CENPK: variants seen among roughly 807,000 people sequenced by gnomAD.
CENPK encodes SoxLZ/Sox6-binding protein Solt.
Under a neutral mutation model 40.9 loss-of-function variants are expected in CENPK, and 46 were observed. The ratio of observed to expected loss-of-function variants is 1.13; its 90% CI spans 0.89 to 1.44. CENPK has a LOEUF of 1.44. CENPK is among the 40% of genes most tolerant of loss of function. The pLI is 0.00. For missense variants in CENPK, 288 were observed against 303.5 expected (o/e 0.95, Z 0.38); for synonymous variants, 107 against 104.4 (o/e 1.02, Z -0.15).
At chr5:65,499,667 A>ATTTTTTTTT in the CENPK span, among the ~76,000 whole-genome samples, 2 of 109,672 alleles carry the variant, frequency 1.8e-5, no homozygotes, top group Non-Finnish European at 1.8e-5. Flanking sequence ...TTTTTTTTTA[A>ATTTTTTTTT]TTTTTTTTTT....
intron 5 of CENPK, among the ~76,000 whole-genome samples, chr5:65,543,493 C>T (rs1466042842): frequency 6.6e-6 from 1 of 152,118 alleles, no homozygotes; most frequent in Non-Finnish European, 1.5e-5. Context: ...TTTTTATCAT[C>T]ATTGGTTTTA....
At chr5:65,559,757 A>T (rs1423910079) in intron 2 of CENPK, among the ~76,000 whole-genome samples, 2 of 152,192 alleles carry the variant, frequency 1.3e-5, no homozygotes, top group Admixed American at 6.5e-5. Flanking sequence ...GCACATAAAT[A>T]GGCAAATTGA....
chr5:65,543,759 G>A (rs1287656401), intron 5 of CENPK, among the ~76,000 whole-genome samples: 2 of 152,250 alleles, frequency 1.3e-5, no homozygotes, highest in South Asian at 2.1e-4. Context: ...ATGTACTGGT[G>A]CTCTCATTTC....
intron 8 of CENPK, 64 bp downstream of exon 8, chr5:65,528,855 T>C: frequency 2.8e-6 from 3 of 1,085,514 alleles, no homozygotes; most frequent in Non-Finnish European, 4.0e-6. Context: ...TCATCTATGT[T>C]TCATGTAACA....
At chr5:65,523,325 C>A (rs539246177) in intron 9 of CENPK, among the ~76,000 whole-genome samples, 1 of 152,252 alleles carries the variant, frequency 6.6e-6, no homozygotes, top group East Asian at 1.9e-4. Context: ...TCATACTAAT[C>A]CTAATCAGAA....
chr5:65,543,119 A>T (rs963045570), intron 5 of CENPK, among the ~76,000 whole-genome samples: 4 of 152,068 alleles, frequency 2.6e-5, no homozygotes, highest in Admixed American at 2.6e-4. Context: ...ATCCACCAAC[A>T]TGCCTGGCTA....
chr5:65,498,230 G>A, the CENPK span, among the ~76,000 whole-genome samples: 2 of 151,712 alleles, frequency 1.3e-5, no homozygotes, highest in African/African-American at 4.8e-5. Flanking sequence ...TCTCTCTAAT[G>A]TTATGTAAAT....
chr5:65,510,513 G>T, the CENPK span, among the ~76,000 whole-genome samples: 3 of 152,154 alleles, frequency 2.0e-5, no homozygotes, highest in Middle Eastern at 3.2e-3. Flanking sequence ...GGTGGCTAAC[G>T]CCTGTAATCC....
At chr5:65,498,159 A>G in the CENPK span, among the ~76,000 whole-genome samples, 1 of 152,068 alleles carries the variant, frequency 6.6e-6, no homozygotes, top group Admixed American at 6.6e-5. Context: ...ACCCTAGCCT[A>G]GAAATAATTT....
At chr5:65,520,366 C>T (rs1334220486) in intron 10 of CENPK, among the ~76,000 whole-genome samples, 1 of 152,114 alleles carries the variant, frequency 6.6e-6, no homozygotes, top group African/African-American at 2.4e-5. Flanking sequence ...AATTAAACTC[C>T]TTTTCCTTAT....
chr5:65,541,419 A>G (rs1747954912), intron 6 of CENPK: 1 of 456,140 alleles, frequency 2.2e-6, no homozygotes, highest in Non-Finnish European at 4.4e-6. Context: ...TGTAGGAGAG[A>G]ATCATCATCT....
At chr5:65,525,692 G>A (rs187019799) in intron 9 of CENPK, among the ~76,000 whole-genome samples, 8 of 152,252 alleles carry the variant, frequency 5.3e-5, no homozygotes, top group East Asian at 1.9e-4. Context: ...CTTAAATAAC[G>A]TAATAAAGGA....
chr5:65,557,072 A>C (rs781429796), intron 2 of CENPK, among the ~76,000 whole-genome samples: 5 of 152,116 alleles, frequency 3.3e-5, no homozygotes, highest in Non-Finnish European at 5.9e-5. Flanking sequence ...AAATGAGAAG[A>C]TCTTCAGGCC....
At position 65,542,837 on chromosome 5, in the gene CENPK, T is replaced by C. The variant is rs1748212552; in HGVS notation, c.253A>G (p.Thr85Ala). 6.2e-7 allele frequency: 1 copy of C among 1,610,626 alleles called. No homozygotes were observed. Among genetic ancestry groups the C allele is most frequent in the Admixed American group, 1.7e-5 (1 of 59,512 alleles). ...CCTAATGTTATGAGAACGTCTTCAG[T>C]CAAGGGAATTGCTACAAAAACAAAA... ...QKKTPETIPL[T>A]EDVLITLGKE... is the part of the protein sequence containing the mutation. The change falls in exon 6 of 11, where the codon ACT (threonine) becomes GCT (alanine). Residue 85 changes from threonine (T) to alanine (A), a missense_variant. Coordinates refer to ENST00000396679, the MANE Select transcript of CENPK (RefSeq NM_022145.5).
the CENPK span, among the ~76,000 whole-genome samples, chr5:65,504,429 C>T: frequency 1.5e-5 from 2 of 136,056 alleles, no homozygotes; most frequent in African/African-American, 5.5e-5. Flanking sequence ...TGCCCTCCAG[C>T]CTGGGAGACA....
At position 65,529,121 on chromosome 5, in the gene CENPK, C is replaced by G; in HGVS notation, c.367G>C (p.Glu123Gln). The G allele has an allele frequency of 1.2e-6, 2 of 1,601,924 alleles. No individual in the cohort carries two copies. The highest frequency in any genetic ancestry group is 1.7e-6 in the Non-Finnish European group (2 of 1,170,368). ...GTAATTGTAACATAAACAAACCTTT[C>G]TAAGTCTTCCTTTAACTTTTCATTC... ...SKNEKLKEDL[E>Q]REQRWLDEQQ... Residue 123 changes from glutamate (E) to glutamine (Q), a missense_variant, in exon 7 of 11, where the codon GAA becomes CAA. Glu to Gln is a conservative substitution (Grantham distance 29). Coordinates refer to ENST00000396679, the MANE Select transcript of CENPK (RefSeq NM_022145.5).
At chr5:65,500,226 T>A in the CENPK span, among the ~76,000 whole-genome samples, 5 of 73,530 alleles carry the variant, frequency 6.8e-5, no homozygotes, top group African/African-American at 2.7e-4. Flanking sequence ...TAGTTCTAGA[T>A]CCCTGAGGAA....
chr5:65,554,235 G>A (rs936042162), intron 3 of CENPK, among the ~76,000 whole-genome samples: 15 of 151,430 alleles, frequency 9.9e-5, no homozygotes, highest in African/African-American at 3.4e-4. Flanking sequence ...TCCGCCTCCT[G>A]GGTTCAAGCA....
At chr5:65,504,482 C>T in the CENPK span, among the ~76,000 whole-genome samples, 17 of 147,452 alleles carry the variant, frequency 1.2e-4, no homozygotes, top group African/African-American at 3.0e-4. Flanking sequence ...AAAAAACCCA[C>T]GAGTATTTCT....
Sources: gnomAD v4.1 joint callset for allele counts (sites outside exome capture counted in the v4.1 genomes callset) on GRCh38, gnomAD v4.1.1 for gene constraint, MANE v1.5 for transcripts, NCBI Gene and HGNC (gene_info 2026-07-23, HGNC 2026-07-21) for gene names.